BCAS1: variants seen among roughly 807,000 people sequenced by gnomAD.
BCAS1 encodes the protein brain enriched myelin associated protein 1.
Under a neutral mutation model 65.4 loss-of-function variants are expected in BCAS1, and 46 were observed. The observed-to-expected ratio is 0.70, with a 90% CI of 0.55 to 0.90. The LOEUF (loss-of-function observed/expected upper bound fraction) is 0.90, where lower values mean the gene tolerates loss of function less well. BCAS1 is among the 40% of genes least tolerant of loss of function. The pLI is 0.00. For synonymous variants in BCAS1, 298 were observed against 293.5 expected (o/e 1.02, Z -0.16); for missense variants, 793 against 771.2 (o/e 1.03, Z -0.33).
chr20:54,002,341 G>A (rs962195200), intron 4 of BCAS1, among the ~76,000 whole-genome samples: 1 of 152,174 alleles, frequency 6.6e-6, no homozygotes, highest in Non-Finnish European at 1.5e-5. Flanking sequence ...ACCTATCCTT[G>A]TTGCCTGATA....
chr20:53,950,230 A>C (rs1199008081), intron 12 of BCAS1, among the ~76,000 whole-genome samples: 4 of 151,818 alleles, frequency 2.6e-5, no homozygotes, highest in Non-Finnish European at 5.9e-5. Flanking sequence ...CTCCACCCTC[A>C]GCAACCACGG....
chr20:53,948,167 CA>C (rs528163931), intron 12 of BCAS1, among the ~76,000 whole-genome samples: 6 of 152,250 alleles, frequency 3.9e-5, no homozygotes, highest in African/African-American at 1.4e-4. Flanking sequence ...GATCCTGGTT[CA>C]CCCAGGCTCC....
chr20:53,948,943 C>T (rs1310015507), intron 12 of BCAS1, among the ~76,000 whole-genome samples: 2 of 152,150 alleles, frequency 1.3e-5, no homozygotes, highest in East Asian at 1.9e-4. Flanking sequence ...CTGATTGTCA[C>T]AAGCCTCGGT....
At chr20:54,039,007 T>C (rs1468084918) in intron 3 of BCAS1, among the ~76,000 whole-genome samples, 2 of 151,394 alleles carry the variant, frequency 1.3e-5, no homozygotes, top group African/African-American at 2.4e-5. Context: ...AAAAGAGTTA[T>C]ATTAGAATAT....
chr20:53,979,843 A>G (rs2090432418), intron 8 of BCAS1, among the ~76,000 whole-genome samples: 1 of 152,224 alleles, frequency 6.6e-6, no homozygotes, highest in Non-Finnish European at 1.5e-5. Flanking sequence ...TATATTTTCA[A>G]TTAGCAACAG....
Position 53,953,454 on chromosome 20 carries a change from A to C in BCAS1, c.1793T>G (p.Leu598Arg), listed in dbSNP as rs781222758. 6 of 1,613,954 alleles carry C rather than the reference A, an allele frequency of 3.7e-6. No homozygotes were observed. Among genetic ancestry groups the C allele is most frequent in the Admixed American group, 1.7e-5 (1 of 59,998 alleles). Residue 598 changes from leucine to arginine, a missense_variant, in exon 12 of 13, where the codon CTT (leucine) becomes CGT (arginine). Leu to Arg is a moderately radical substitution (Grantham distance 102). Coordinates refer to ENST00000688948, the MANE Select transcript of BCAS1 (RefSeq NM_001366298.2). ...TACCAGGCCTTTAAAGAAGCCCCCAAGGGACTGCTGCCGCTTCTCAGGTCT... is the reference window on the plus strand; with the variant it reads ...TACCAGGCCTTTAAAGAAGCCCCCACGGGACTGCTGCCGCTTCTCAGGTCT... ...QKRPEKRQQS[L>R]GGFFKGLGPK...
At position 53,944,994 on chromosome 20, in the gene BCAS1, T is replaced by A; in HGVS notation, c.1818A>T (p.Gly606=). 1 of 1,614,032 alleles carries A rather than the reference T, an allele frequency of 6.2e-7. No homozygotes were observed. Residue 606 remains glycine (G), a splice_region_variant and synonymous_variant, in exon 13 of 13, where the codon GGA becomes GGT. Coordinates refer to ENST00000688948, the MANE Select transcript of BCAS1 (RefSeq NM_001366298.2). Reference sequence around the variant, plus strand: ...CTTGAGCATCCAACATCCGCTTTGGTCCCTGGAGAAAAACAGAAAGACGTG... The same window carrying A: ...CTTGAGCATCCAACATCCGCTTTGGACCCTGGAGAAAAACAGAAAGACGTG... ...QSLGGFFKGL[G]PKRMLDAQVQ...
intron 11 of BCAS1, among the ~76,000 whole-genome samples, chr20:53,954,335 G>GAGAGAGAGAGAGAGAGAGA (rs1555840854): frequency 2.8e-4 from 39 of 138,516 alleles, no homozygotes; most frequent in Middle Eastern, 3.4e-3. Context: ...GAGAGAGAGA[G>GAGAGAGAGAGAGAGAGAGA]GGACCAGGCA....
chr20:53,948,093 C>T (rs1311659101), intron 12 of BCAS1, among the ~76,000 whole-genome samples: 1 of 152,232 alleles, frequency 6.6e-6, no homozygotes, highest in African/African-American at 2.4e-5. Context: ...AGAGCCTGGT[C>T]TCAGGCTGGC....
intron 3 of BCAS1, among the ~76,000 whole-genome samples, chr20:54,033,994 A>T (rs111391970): frequency 1.3e-4 from 19 of 151,594 alleles, no homozygotes; most frequent in African/African-American, 4.6e-4. Flanking sequence ...AAATCAATAA[A>T]TGTGACTCAT....
intron 4 of BCAS1, 102 bp downstream of exon 4, chr20:54,028,290 C>G: frequency 8.0e-7 from 1 of 1,243,064 alleles, no homozygotes; most frequent in African/African-American, 1.5e-5. Context: ...AGCTTGCCAC[C>G]TTGCCTAGGC....
Position 54,070,560 on chromosome 20 carries a change from T to G in BCAS1, c.-133A>C, listed in dbSNP as rs2092503468. 2.0e-5 allele frequency: 3 copies of G among 152,486 alleles called. No homozygotes were observed. The highest frequency in any genetic ancestry group is 2.0e-4 in the Admixed American group (3 of 15,282). The allele number at this position is 152,486 out of a possible 1,614,324, so 9.4% of individuals were successfully genotyped here. ...GTCGGTGGAGCCTGGCTCCCTGCAC[T>G]TTGCTTCCTTGTGCAGAGCCTGCTG... On this transcript the variant is annotated 5_prime_UTR_variant, in exon 1 of 13. Transcript: ENST00000688948.
rs770472206 is a variant in BCAS1 at position 53,955,666 on chromosome 20, C to CT, written c.1551+1765dup. On this transcript the variant is annotated intron_variant, in intron 11 of 12. Transcript: ENST00000688948. ...ATGGGAGCAATAAAAGAAATGACACCTTATGGTGCTGTGAGAATTAAATTA... is the reference window on the plus strand; with the variant it reads ...ATGGGAGCAATAAAAGAAATGACACCTTTATGGTGCTGTGAGAATTAAATTA... Among the ~76,000 whole-genome samples, 12 of 152,254 alleles carry CT rather than the reference C, an allele frequency of 7.9e-5. 1 individual carries two copies. The highest frequency in any genetic ancestry group is 3.9e-4 in the East Asian group (2 of 5,182).
At chr20:53,995,759 C>T in intron 5 of BCAS1, 133 bp downstream of exon 5, 2 of 1,046,682 alleles carry the variant, frequency 1.9e-6, no homozygotes, top group East Asian at 2.7e-5. Flanking sequence ...TATCTTGTCC[C>T]TGTTCTCTCC....
Position 53,988,572 on chromosome 20 carries a change from G to T in BCAS1, c.1063-3073C>A, listed in dbSNP as rs147423467. Among the ~76,000 whole-genome samples the T allele has an allele frequency of 3.9e-5, 6 of 152,228 alleles. No homozygotes were observed. The East Asian group carries it at 1.2e-3, about 29-fold the overall frequency. On this transcript the variant is annotated intron_variant, in intron 7 of 12. Transcript: ENST00000688948. ...CGGGGGGTCCATGTGATATTTTGATGCCTGTATACAAAGTGCAATGATTAA... is the reference window on the plus strand; with the variant it reads ...CGGGGGGTCCATGTGATATTTTGATTCCTGTATACAAAGTGCAATGATTAA...
chr20:54,064,427 C>T (rs1295473543), intron 1 of BCAS1, among the ~76,000 whole-genome samples: 9 of 152,358 alleles, frequency 5.9e-5, no homozygotes. Flanking sequence ...ACCACCATCA[C>T]CCAGGCACCT....
chr20:53,956,702 C>T (rs543850703), intron 11 of BCAS1, among the ~76,000 whole-genome samples: 58 of 150,976 alleles, frequency 3.8e-4, no homozygotes, highest in Non-Finnish European at 7.2e-4. Context: ...TTGAACCAGA[C>T]AGTTTGAGTC....
chr20:54,067,591 C>A (rs55973940), intron 1 of BCAS1, among the ~76,000 whole-genome samples: 2,266 of 152,248 alleles, frequency 0.015, 53 homozygotes, highest in African/African-American at 0.052. Flanking sequence ...CCCTCAAATC[C>A]CTCCTCTTTT....
intron 12 of BCAS1, among the ~76,000 whole-genome samples, chr20:53,949,278 A>C (rs1338828733): frequency 6.6e-6 from 1 of 152,216 alleles, no homozygotes; most frequent in Admixed American, 6.5e-5. Flanking sequence ...GCTCAAAAAG[A>C]AAGGAAAATG....
Sources: gnomAD v4.1 joint callset for allele counts (sites outside exome capture counted in the v4.1 genomes callset) on GRCh38, gnomAD v4.1.1 for gene constraint, MANE v1.5 for transcripts, NCBI Gene and HGNC (gene_info 2026-07-23, HGNC 2026-07-21) for gene names.